The following CPD variants were observed in gnomAD, a reference collection of about 807,000 sequenced individuals.
The protein encoded by CPD is metallocarboxypeptidase D.
Under a neutral mutation model 138.3 loss-of-function variants are expected in CPD, and 69 were observed. That is an observed-to-expected ratio of 0.50 (90% CI 0.41 to 0.61). The LOEUF (loss-of-function observed/expected upper bound fraction) is 0.61, where lower values mean the gene tolerates loss of function less well. Ranked by LOEUF, CPD falls within the 20% of genes least tolerant of loss-of-function variation. CPD has a pLI of 0.00. For missense variants in CPD, 1,432 were observed against 1,733.3 expected (o/e 0.83, Z 3.09); for synonymous variants, 651 against 642.1 (o/e 1.01, Z -0.21).
At position 30,445,798 on chromosome 17, in the gene CPD, G is replaced by A; in HGVS notation, c.2651G>A (p.Gly884Glu). Residue 884 changes from glycine to glutamate, a missense_variant, in exon 12 of 21, where the codon GGA (glycine) becomes GAA (glutamate). Gly to Glu is a moderately conservative substitution (Grantham distance 98). Coordinates refer to ENST00000225719, the MANE Select transcript of CPD (RefSeq NM_001304.5). ...STDSNNESKK[G>E]KGASSSTNDA... ...GATTCAAACAATGAATCAAAGAAAG[G>A]AAAAGGGGCTAGCAGCAGCACCAAT... 6.2e-7 allele frequency: 1 copy of A among 1,614,060 alleles called. No homozygotes were observed. The highest frequency in any genetic ancestry group is 8.5e-7 in the Non-Finnish European group (1 of 1,179,992).
chr17:30,436,079 T>G (rs1050246019), intron 8 of CPD, among the ~76,000 whole-genome samples: 2 of 152,212 alleles, frequency 1.3e-5, no homozygotes, highest in African/African-American at 4.8e-5. Flanking sequence ...TTTGAGGTAC[T>G]GAGGGTTAGG....
chr17:30,465,032 C>T lies in CPD; in HGVS notation c.*218C>T. On this transcript the variant is annotated 3_prime_UTR_variant, in exon 21 of 21. Transcript: ENST00000225719. Reference sequence around the variant, plus strand: ...TTAAAAAAAAATCTGATTTATGCAGCAGAGATGGGACAGCCACTTTTTCTT... The same window carrying T: ...TTAAAAAAAAATCTGATTTATGCAGTAGAGATGGGACAGCCACTTTTTCTT... 1 of 508,846 alleles carries T rather than the reference C, an allele frequency of 2.0e-6. No homozygotes were observed. Among genetic ancestry groups the T allele is most frequent in the Admixed American group, 3.4e-5 (1 of 29,662 alleles). 31.5% of individuals were successfully genotyped at this position (508,846 alleles called of 1,614,324 possible). A position where few individuals can be genotyped will look rare whatever the true frequency, so the allele number is the denominator to read the frequency against.
rs1913678001 is a variant in CPD, at chr17:30,467,626, C to A, written c.*2812C>A. 1 of 152,070 alleles carries A rather than the reference C, an allele frequency of 6.6e-6. No homozygotes were observed. Among genetic ancestry groups the A allele is most frequent in the Admixed American group, 6.5e-5 (1 of 15,272 alleles). The allele number at this position is 152,070 out of a possible 1,614,324, so 9.4% of individuals were successfully genotyped here. ...GTAACTTTTACTTGAATGGGATTTG[C>A]TGAATTAATGACTATTGAATTTAAA... On this transcript the variant is annotated 3_prime_UTR_variant, in exon 21 of 21. Coordinates refer to ENST00000225719, the MANE Select transcript of CPD (RefSeq NM_001304.5).
At chr17:30,428,042 C>T (rs921556274) in intron 7 of CPD, among the ~76,000 whole-genome samples, 2 of 152,020 alleles carry the variant, frequency 1.3e-5, no homozygotes, top group African/African-American at 4.8e-5. Flanking sequence ...AAAATTGATC[C>T]AAATGTTTAG....
intron 17 of CPD, among the ~76,000 whole-genome samples, chr17:30,460,175 A>AACATTCCAGAAAGAGGAAGCAGT (rs1567885463): frequency 6.6e-6 from 1 of 152,206 alleles, no homozygotes; most frequent in Non-Finnish European, 1.5e-5. Flanking sequence ...AGTGAAGCAG[A>AACATTCCAGAAAGAGGAAGCAGT]ACATTCCAGA....
Position 30,382,250 on chromosome 17 carries a change from T to C in CPD, c.746+2524T>C, listed in dbSNP as rs998801395. ...AGTTATCTTAATTTTTTTCAAGTTA[T>C]CTACAGGGTTACCTGGATAGCGTAA... On this transcript the variant is annotated intron_variant, in intron 1 of 20. Coordinates refer to ENST00000225719, the MANE Select transcript of CPD (RefSeq NM_001304.5). 7.2e-5 allele frequency among the ~76,000 whole-genome samples: 11 copies of C among 152,172 alleles called. 1 individual carries two copies. The highest frequency in any genetic ancestry group is 3.9e-4 in the Admixed American group (6 of 15,282).
At position 30,464,877 on chromosome 17, in the gene CPD, A is replaced by G; in HGVS notation, c.*63A>G. Reference sequence around the variant, plus strand: ...GCAAAATTACAGTTCCTCTTGGGAGAACACTGCATTAAGAAGAGAGACTCT... The same window carrying G: ...GCAAAATTACAGTTCCTCTTGGGAGGACACTGCATTAAGAAGAGAGACTCT... On this transcript the variant is annotated 3_prime_UTR_variant, in exon 21 of 21. Transcript: ENST00000225719. 1.6e-6 allele frequency: 2 copies of G among 1,260,932 alleles called. No individual in the cohort carries two copies. The highest frequency in any genetic ancestry group is 2.4e-5 in the South Asian group (2 of 82,970). The allele number at this position is 1,260,932 out of a possible 1,614,324, so 78.1% of individuals were successfully genotyped here. A position where few individuals can be genotyped will look rare whatever the true frequency, so the allele number is the denominator to read the frequency against.
At chr17:30,410,792 G>A (rs1224956015) in intron 2 of CPD, among the ~76,000 whole-genome samples, 1 of 151,160 alleles carries the variant, frequency 6.6e-6, no homozygotes, top group Non-Finnish European at 1.5e-5. Flanking sequence ...GCACACTGAT[G>A]GGTCTTGACT....
rs539623448 is a variant in CPD at position 30,400,083 on chromosome 17, T to C, written c.994+14847T>C. On this transcript the variant is annotated intron_variant, in intron 2 of 20. Coordinates refer to ENST00000225719, the MANE Select transcript of CPD (RefSeq NM_001304.5). ...GTTTTTTAATGAGTTTTACAATTCC[T>C]GTCTTTTAGTTGGTGTGTTTGCACC... Among the ~76,000 whole-genome samples, 3 of 152,370 alleles carry C rather than the reference T, an allele frequency of 2.0e-5. No homozygotes were observed. The South Asian group carries it at 6.2e-4, about 32-fold the overall frequency.
chr17:30,411,898 G>A (rs192697835), intron 2 of CPD, among the ~76,000 whole-genome samples: 175 of 152,204 alleles, frequency 1.1e-3, no homozygotes, highest in African/African-American at 4.0e-3. Context: ...GTTTTGTTCC[G>A]TTGCTGGCAA....
At chr17:30,431,465 A>G (rs895048167) in intron 7 of CPD, among the ~76,000 whole-genome samples, 4 of 152,060 alleles carry the variant, frequency 2.6e-5, no homozygotes, top group Non-Finnish European at 4.4e-5. Flanking sequence ...GGAATCCCGT[A>G]TATCTGTTTT....
At chr17:30,386,800 T>C (rs1448164292) in intron 2 of CPD, among the ~76,000 whole-genome samples, 1 of 152,264 alleles carries the variant, frequency 6.6e-6, no homozygotes, top group African/African-American at 2.4e-5. Context: ...TTCATTTTTA[T>C]AGCTGAATAA....
intron 2 of CPD, among the ~76,000 whole-genome samples, chr17:30,407,187 G>A (rs545287960): frequency 5.3e-5 from 8 of 152,264 alleles, no homozygotes; most frequent in African/African-American, 1.9e-4. Flanking sequence ...TGGTGTATAT[G>A]TGCACATTTT....
In CPD at chr17:30,423,591, T is replaced by C. The variant is rs1912325551; in HGVS notation, c.1743T>C (p.Leu581=). 6.2e-7 allele frequency: 1 copy of C among 1,612,376 alleles called. No individual in the cohort carries two copies. The highest frequency in any genetic ancestry group is 1.7e-5 in the Admixed American group (1 of 59,712). Residue 581 remains leucine (L), a synonymous_variant, in exon 6 of 21, where the codon CTT becomes CTC. Transcript: ENST00000225719. ...TGCTGTTGAACCTCATAGAATACCTTTGTAAGAACTTTGGAACAGACCCTG... is the reference window on the plus strand; with the variant it reads ...TGCTGTTGAACCTCATAGAATACCTCTGTAAGAACTTTGGAACAGACCCTG... ...RELLLNLIEY[L]CKNFGTDPEV...
chr17:30,389,638 T>TA (rs1365981725), intron 2 of CPD, among the ~76,000 whole-genome samples: 1 of 152,228 alleles, frequency 6.6e-6, no homozygotes, highest in Non-Finnish European at 1.5e-5. Context: ...TCATACTACT[T>TA]AAAAAATAAA....
chr17:30,400,235 G>C (rs556033663), intron 2 of CPD, among the ~76,000 whole-genome samples: 2 of 152,026 alleles, frequency 1.3e-5, no homozygotes, highest in African/African-American at 4.8e-5. Flanking sequence ...TGTTTTCAAC[G>C]ATATCTTTTA....
intron 8 of CPD, among the ~76,000 whole-genome samples, chr17:30,433,280 A>G (rs879108852): frequency 6.6e-6 from 1 of 152,174 alleles, no homozygotes; most frequent in African/African-American, 2.4e-5. Context: ...TAGTGTCCCA[A>G]CCATCAAAAT....
intron 2 of CPD, among the ~76,000 whole-genome samples, chr17:30,411,523 A>G (rs1169506227): frequency 6.6e-6 from 1 of 152,124 alleles, no homozygotes; most frequent in Non-Finnish European, 1.5e-5. Context: ...GTTTTTTTAC[A>G]TAGTCCCATA....
chr17:30,446,642 G>A (rs991264502), intron 12 of CPD, among the ~76,000 whole-genome samples: 3 of 152,142 alleles, frequency 2.0e-5, no homozygotes, highest in African/African-American at 7.2e-5. Context: ...ACATACGTGT[G>A]CATGTGTCTT....
Sources: gnomAD v4.1 joint callset for allele counts (sites outside exome capture counted in the v4.1 genomes callset) on GRCh38, gnomAD v4.1.1 for gene constraint, MANE v1.5 for transcripts, NCBI Gene and HGNC (gene_info 2026-07-23, HGNC 2026-07-21) for gene names.